The following TRPV3 variants were observed in gnomAD, a reference collection of about 807,000 sequenced individuals.
TRPV3 encodes transient receptor potential cation channel subfamily V member 3.
TRPV3 carries 88 observed loss-of-function variants against 87.1 expected under a neutral mutation model. The observed-to-expected ratio is 1.01, with a 90% confidence interval of 0.85 to 1.21. TRPV3 has a LOEUF of 1.21. Among genes scored for constraint, TRPV3 ranks in the 50% most tolerant of loss-of-function variants. The pLI, the probability that TRPV3 is intolerant of heterozygous loss-of-function variation, is 0.00. For synonymous variants in TRPV3, 438 were observed against 423.3 expected (o/e 1.03, Z -0.43); for missense variants, 1,054 against 1,030.1 (o/e 1.02, Z -0.32).
intron 2 of TRPV3, among the ~76,000 whole-genome samples, chr17:3,550,520 CTTTTTTTTT>C (rs35400667): frequency 1.1e-5 from 1 of 92,184 alleles, no homozygotes; most frequent in Non-Finnish European, 2.1e-5. Context: ...CCTGCCTGCT[CTTTTTTTTT>C]TTTTTTTTTT....
chr17:3,512,076 G>T lies in TRPV3; in HGVS notation c.*1841C>A, dbSNP rs2087892. 144,383 of 152,318 alleles carry T rather than the reference G, an allele frequency of 0.95. 68,892 individuals are homozygous for T. The highest frequency in any genetic ancestry group is 1 in the East Asian group (5,182 of 5,182). 9.4% of individuals were successfully genotyped at this position (152,318 alleles called of 1,614,324 possible). A position where few individuals can be genotyped will look rare whatever the true frequency, so the allele number is the denominator to read the frequency against. On this transcript the variant is annotated 3_prime_UTR_variant, in exon 18 of 18. Coordinates refer to ENST00000576742, the MANE Select transcript of TRPV3 (RefSeq NM_145068.4). Reference sequence around the variant, plus strand: ...TTCAACAACATTCCTCATTAAGTGCGCAACCAGCTTCTGCTTAAACATCTC... The same window carrying T: ...TTCAACAACATTCCTCATTAAGTGCTCAACCAGCTTCTGCTTAAACATCTC...
At chr17:3,526,451 C>T (rs929779863) in intron 12 of TRPV3, among the ~76,000 whole-genome samples, 2 of 151,888 alleles carry the variant, frequency 1.3e-5, no homozygotes, top group Admixed American at 6.6e-5. Context: ...GCACTCCAGC[C>T]TGGGCAACAA....
chr17:3,531,994 C>T (rs540034618), intron 8 of TRPV3, among the ~76,000 whole-genome samples: 83 of 152,322 alleles, frequency 5.4e-4, no homozygotes, highest in Admixed American at 4.4e-3. Context: ...CCTCGCAGAG[C>T]GTAGAGACAG....
In TRPV3 at chr17:3,518,398, T is replaced by C. The variant is rs112770946; in HGVS notation, c.2085+178A>G. 0.011 allele frequency among the ~76,000 whole-genome samples: 1,720 copies of C among 152,260 alleles called. 31 individuals are homozygous for C. The highest frequency in any genetic ancestry group is 0.039 in the African/African-American group (1,640 of 41,546). On this transcript the variant is annotated intron_variant, in intron 15 of 17. Coordinates refer to ENST00000576742, the MANE Select transcript of TRPV3 (RefSeq NM_145068.4). The surrounding 1 kb of genome is among the most constrained non-coding windows in gnomAD (Gnocchi z 4.3). ...CATTCTGTTGCACAGCCACACTCCC[T>C]AGACCCTACACTCAAAGAACCTAGG... is the stretch of plus-strand genomic sequence containing the variant.
chr17:3,545,132 C>T, intron 3 of TRPV3, 35 bp downstream of exon 3: 1 of 1,533,024 alleles, frequency 6.5e-7, no homozygotes, highest in South Asian at 1.1e-5. Flanking sequence ...AGGGCTGGGC[C>T]CAGGGCAAGG....
intron 11 of TRPV3, among the ~76,000 whole-genome samples, 157 bp from the exon 12 acceptor site, chr17:3,527,084 C>G (rs2074306829): frequency 6.6e-6 from 1 of 152,140 alleles, no homozygotes; most frequent in South Asian, 2.1e-4. Flanking sequence ...GGACCTGTGC[C>G]TGGGGGGCGT....
At position 3,528,138 on chromosome 17, in the gene TRPV3, G is replaced by C. The variant is rs1215689568; in HGVS notation, c.1402-12C>G. On this transcript the variant is annotated splice_polypyrimidine_tract_variant and intron_variant, in intron 10 of 17. Transcript: ENST00000576742. The surrounding 1 kb of genome is among the most constrained non-coding windows in gnomAD (Gnocchi z 4.2). ...GGGTGCGGGATGGCCTGCAGGGAAA[G>C]AAGAGGGGTGGTCAGTATAGGAAGC... The C allele has an allele frequency of 6.2e-7, 1 of 1,606,670 alleles. No homozygotes were observed. Among genetic ancestry groups the C allele is most frequent in the South Asian group, 1.1e-5 (1 of 90,340 alleles).
chr17:3,542,551 TTGA>T lies in TRPV3; in HGVS notation c.611_613del (p.Ile204del), dbSNP rs1334143546. ...ATAGGCCTCCTCTGTGTACTCGGCG[TTGA>T]TGAACCTGCCCAGGATGTCGTTCTC... On this transcript the variant is annotated inframe_deletion, in exon 6 of 18. Transcript: ENST00000576742. 1.9e-6 allele frequency: 3 copies of T among 1,613,948 alleles called. No individual in the cohort carries two copies. The highest frequency in any genetic ancestry group is 1.7e-5 in the Admixed American group (1 of 59,988).
At chr17:3,551,867 A>ATTT (rs2074577917) in intron 2 of TRPV3, among the ~76,000 whole-genome samples, 9 of 23,996 alleles carry the variant, frequency 3.8e-4, no homozygotes, top group East Asian at 2.7e-3. Flanking sequence ...CCTGTAATTT[A>ATTT]TTCTTTTTTT....
intron 3 of TRPV3, 152 bp from the exon 4 acceptor site, chr17:3,544,817 T>G (rs2074508359): frequency 1.6e-6 from 1 of 639,766 alleles, no homozygotes; most frequent in South Asian, 1.8e-5. Flanking sequence ...GCCAACATGG[T>G]GAAACTAAAC....
intron 13 of TRPV3, among the ~76,000 whole-genome samples, chr17:3,522,494 G>T (rs9895699): frequency 0.34 from 51,782 of 151,850 alleles, 9,737 homozygotes; most frequent in African/African-American, 0.5. Flanking sequence ...ATGCCTAATT[G>T]ATAAAATAAA....
In TRPV3 at chr17:3,524,369, C is replaced by T. The variant is rs1010635291; in HGVS notation, c.1578-6G>A. ...CAAGCACAGCTTGGATAAAACTGTT[C>T]AGGAGACACAGGAGACACGGGCCTT... On this transcript the variant is annotated splice_region_variant and splice_polypyrimidine_tract_variant and intron_variant, in intron 12 of 17. Transcript: ENST00000576742. The T allele has an allele frequency of 1.4e-5, 23 of 1,613,424 alleles. No individual in the cohort carries two copies. Among genetic ancestry groups the T allele is most frequent in the Non-Finnish European group, 1.8e-5 (21 of 1,179,690 alleles).
At chr17:3,535,454 C>T in intron 7 of TRPV3, 119 bp downstream of exon 7, 1 of 967,034 alleles carries the variant, frequency 1.0e-6, no homozygotes, top group Non-Finnish European at 1.4e-6. Context: ...TCACTTCCTT[C>T]CTCCTTCCCT....
At chr17:3,541,478 G>A (rs575916314) in intron 6 of TRPV3, among the ~76,000 whole-genome samples, 121 of 152,268 alleles carry the variant, frequency 7.9e-4, no homozygotes, top group African/African-American at 2.8e-3. Context: ...TCATAAGACC[G>A]TAAAGCGCTG....
In TRPV3 at chr17:3,524,329, A is replaced by G; in HGVS notation, c.1612T>C (p.Phe538Leu). ...TCTTTGTAGGCAAACAAGTACAAGA[A>G]GACAGACAGTATCACAAGCACAGCT... The part of the protein sequence containing the change: ...IQAVLVILSV[F>L]LYLFAYKEYL... The change falls in exon 13 of 18, where the codon TTC becomes CTC. Residue 538 changes from phenylalanine (F) to leucine (L), a missense_variant. By Grantham distance (22) the Phe-to-Leu change is conservative. Transcript: ENST00000576742. 6.2e-7 allele frequency: 1 copy of G among 1,614,254 alleles called. No individual in the cohort carries two copies. Among genetic ancestry groups the G allele is most frequent in the Non-Finnish European group, 8.5e-7 (1 of 1,180,040 alleles).
chr17:3,526,728 C>A, intron 12 of TRPV3, 126 bp downstream of exon 12: 1 of 751,222 alleles, frequency 1.3e-6, no homozygotes, highest in South Asian at 1.7e-5. Context: ...TGGCGTGTAA[C>A]CATGGCAGAG....
intron 16 of TRPV3, among the ~76,000 whole-genome samples, chr17:3,515,996 G>A (rs550670897): frequency 8.5e-5 from 13 of 152,206 alleles, no homozygotes; most frequent in African/African-American, 3.1e-4. Context: ...AGACCAGCTT[G>A]ACCAACATGG....
In TRPV3 at chr17:3,543,008, G is replaced by A. The variant is rs548510769; in HGVS notation, c.467-310C>T. Among the ~76,000 whole-genome samples, 257 of 151,192 alleles carry A rather than the reference G, an allele frequency of 1.7e-3. 2 individuals are homozygous for A. The highest frequency in any genetic ancestry group is 5.8e-3 in the African/African-American group (237 of 41,182). ...TCTGTCTCCAGCCTGCCCCCTCCTC[G>A]TGGCCTGCAAATAAAGCTCATGGCC... On this transcript the variant is annotated intron_variant, in intron 5 of 17. Coordinates refer to ENST00000576742, the MANE Select transcript of TRPV3 (RefSeq NM_145068.4).
chr17:3,554,602 C>T (rs1009682763), intron 2 of TRPV3, 130 bp downstream of exon 2: 2 of 672,030 alleles, frequency 3.0e-6, no homozygotes, highest in Non-Finnish European at 5.2e-6. Context: ...CCTCGCCGGG[C>T]ACCGGGCCAC....
Sources: allele counts gnomAD v4.1 joint callset (sites outside exome capture counted in the v4.1 genomes callset), GRCh38; gene constraint gnomAD v4.1.1; non-coding constraint Gnocchi (gnomAD v3.1); transcripts MANE v1.5; gene names NCBI Gene and HGNC (gene_info 2026-07-23, HGNC 2026-07-21).